The following RABGAP1L variants were observed in gnomAD, a reference collection of about 807,000 sequenced individuals.
The protein encoded by RABGAP1L is RAB GTPase activating protein 1 like, also known as rab GTPase-activating protein 1-like.
RABGAP1L carries 63 observed loss-of-function variants against 137.7 expected under a neutral mutation model. That is an observed-to-expected ratio of 0.46 (90% CI 0.37 to 0.56). The LOEUF is 0.56. RABGAP1L is among the 20% of genes least tolerant of loss of function. RABGAP1L has a pLI of 0.00. For synonymous variants in RABGAP1L, 431 were observed against 433.7 expected (o/e 0.99, Z 0.08); for missense variants, 1,095 against 1,244.0 (o/e 0.88, Z 1.80).
intron 11 of RABGAP1L, among the ~76,000 whole-genome samples, chr1:174,310,120 G>A (rs1429010016): frequency 6.6e-6 from 1 of 152,026 alleles, no homozygotes; most frequent in Admixed American, 6.6e-5. Flanking sequence ...AATTATTCAT[G>A]TCTTCTAGGT....
rs1671983129 is a variant in RABGAP1L at position 174,990,444 on chromosome 1, T to A, written c.*443T>A. On this transcript the variant is annotated 3_prime_UTR_variant, in exon 26 of 26. Transcript: ENST00000681986. ...AAACATCTTAAGTTTTCAGGATTTA[T>A]TCAGATAAAGCACACTGTGGGGCCA... 6.5e-6 allele frequency: 1 copy of A among 153,460 alleles called. No homozygotes were observed. The highest frequency in any genetic ancestry group is 1.4e-5 in the Non-Finnish European group (1 of 69,000). 9.5% of individuals were successfully genotyped at this position (153,460 alleles called of 1,614,324 possible).
chr1:174,492,147 C>T (rs558443128), intron 13 of RABGAP1L, among the ~76,000 whole-genome samples: 19 of 150,172 alleles, frequency 1.3e-4, no homozygotes, highest in African/African-American at 4.6e-4. Context: ...TCTATTCCGC[C>T]ATCTTGCTCC....
intron 19 of RABGAP1L, among the ~76,000 whole-genome samples, chr1:174,839,079 A>C (rs1693112714): frequency 6.9e-6 from 1 of 144,082 alleles, no homozygotes; most frequent in African/African-American, 2.5e-5. Context: ...GGGTAGATAC[A>C]TATATTTAAA....
At chr1:174,849,198 C>T (rs1424046840) in intron 19 of RABGAP1L, among the ~76,000 whole-genome samples, 2 of 152,148 alleles carry the variant, frequency 1.3e-5, no homozygotes, top group Non-Finnish European at 1.5e-5. Context: ...CTGCGTGGCT[C>T]ACGCTGGGAG....
chr1:174,558,478 TTC>T lies in RABGAP1L; in HGVS notation c.1711-78895_1711-78894del, dbSNP rs1458003293. Reference sequence around the variant, plus strand: ...GTTACCCTAGAGAGACAAATATTCTTTCTGTGTCTTCTATCATTCTGTTGACC... The same window carrying T: ...GTTACCCTAGAGAGACAAATATTCTTTGTGTCTTCTATCATTCTGTTGACC... On this transcript the variant is annotated intron_variant, in intron 13 of 25. Transcript: ENST00000681986. 2.0e-5 allele frequency among the ~76,000 whole-genome samples: 3 copies of T among 152,346 alleles called. No individual in the cohort carries two copies. In the East Asian group the frequency reaches 5.8e-4, roughly 29 times the overall value.
chr1:174,299,675 A>G (rs563799957), intron 10 of RABGAP1L, among the ~76,000 whole-genome samples: 9 of 152,350 alleles, frequency 5.9e-5, no homozygotes, highest in Middle Eastern at 3.4e-3. Flanking sequence ...TTGACTCTGA[A>G]AAACAAAGCA....
At chr1:174,676,521 C>CAAATATTT (rs1338773269) in intron 14 of RABGAP1L, among the ~76,000 whole-genome samples, 1 of 152,168 alleles carries the variant, frequency 6.6e-6, no homozygotes, top group Non-Finnish European at 1.5e-5. Flanking sequence ...AGCAGCCGAT[C>CAAATATTT]AAATATTTTA....
intron 12 of RABGAP1L, among the ~76,000 whole-genome samples, chr1:174,386,474 G>A (rs1032219223): frequency 1.3e-5 from 2 of 150,044 alleles, no homozygotes; most frequent in Non-Finnish European, 3.0e-5. Context: ...GCCAGAACAG[G>A]GTGTGTGTGT....
chr1:174,968,365 A>T (rs1310016429), intron 20 of RABGAP1L, among the ~76,000 whole-genome samples: 1 of 152,216 alleles, frequency 6.6e-6, no homozygotes, highest in Non-Finnish European at 1.5e-5. Flanking sequence ...ATAACTGTTA[A>T]CAGTAGCAAA....
intron 19 of RABGAP1L, among the ~76,000 whole-genome samples, chr1:174,896,745 G>A (rs1237094267): frequency 6.6e-6 from 1 of 152,100 alleles, no homozygotes; most frequent in African/African-American, 2.4e-5. Flanking sequence ...AGATCAGATG[G>A]TTGTAGATGT....
intron 18 of RABGAP1L, among the ~76,000 whole-genome samples, chr1:174,794,604 T>C (rs1408168601): frequency 1.3e-5 from 2 of 152,206 alleles, no homozygotes; most frequent in Non-Finnish European, 2.9e-5. Context: ...TAAAAGATGA[T>C]GTAATAAGCA....
chr1:174,195,743 CTT>C (rs1558021829), intron 1 of RABGAP1L, among the ~76,000 whole-genome samples: 3 of 128,944 alleles, frequency 2.3e-5, no homozygotes, highest in African/African-American at 5.9e-5. Context: ...TTCTTTCTTT[CTT>C]TCTTTCTCTC....
At position 174,513,793 on chromosome 1, in the gene RABGAP1L, A is replaced by G. The variant is rs189654893; in HGVS notation, c.1710+119648A>G. ...GATATGGAATTTCTCTTAATGTTAT[A>G]GTAACATCTAAAAATAGTTTTATTT... On this transcript the variant is annotated intron_variant, in intron 13 of 25. Transcript: ENST00000681986. Among the ~76,000 whole-genome samples the G allele has an allele frequency of 3.8e-4, 46 of 122,328 alleles. 1 individual carries two copies. The East Asian group carries it at 8.8e-3, about 23-fold the overall frequency. The allele number at this position is 122,328 out of a possible 152,430, so 80.3% of individuals were successfully genotyped here. A position where few individuals can be genotyped will look rare whatever the true frequency, so the allele number is the denominator to read the frequency against.
intron 8 of RABGAP1L, among the ~76,000 whole-genome samples, chr1:174,273,218 A>C (rs945800998): frequency 6.6e-6 from 1 of 152,072 alleles, no homozygotes; most frequent in Non-Finnish European, 1.5e-5. Flanking sequence ...TATCAGTTAA[A>C]CATTACTAAT....
At chr1:174,326,374 C>G (rs1680443333) in intron 11 of RABGAP1L, among the ~76,000 whole-genome samples, 1 of 151,962 alleles carries the variant, frequency 6.6e-6, no homozygotes, top group African/African-American at 2.4e-5. Flanking sequence ...TATAAAAAAT[C>G]AAATAGAAAT....
intron 1 of RABGAP1L, among the ~76,000 whole-genome samples, chr1:174,162,771 C>CTTTTTTTTT (rs1664584682): frequency 4.9e-5 from 2 of 40,792 alleles, no homozygotes; most frequent in African/African-American, 1.9e-4. Context: ...TTTTTTTTCT[C>CTTTTTTTTT]TTTCTGTTTT....
At chr1:174,944,831 A>G (rs1349155267) in intron 19 of RABGAP1L, among the ~76,000 whole-genome samples, 1 of 152,164 alleles carries the variant, frequency 6.6e-6, no homozygotes, top group Non-Finnish European at 1.5e-5. Flanking sequence ...CTCTAAAGTC[A>G]GATTTACTCA....
chr1:174,729,435 A>G (rs1682272991), intron 17 of RABGAP1L, among the ~76,000 whole-genome samples: 1 of 152,232 alleles, frequency 6.6e-6, no homozygotes, highest in South Asian at 2.1e-4. Context: ...TTTATGACTA[A>G]GTCCTCAAAA....
intron 10 of RABGAP1L, among the ~76,000 whole-genome samples, chr1:174,293,634 A>AGAGG (rs1273502831): frequency 6.6e-6 from 1 of 152,114 alleles, no homozygotes; most frequent in African/African-American, 2.4e-5. Flanking sequence ...AAAGAAATGA[A>AGAGG]GAGGGCATTT....
Sources: allele counts gnomAD v4.1 joint callset (sites outside exome capture counted in the v4.1 genomes callset), GRCh38; gene constraint gnomAD v4.1.1; transcripts MANE v1.5; gene names NCBI Gene and HGNC (gene_info 2026-07-23, HGNC 2026-07-21).